The following PTPRD variants were observed in gnomAD, a reference collection of about 807,000 sequenced individuals.
The protein encoded by PTPRD is receptor-type tyrosine-protein phosphatase delta.
In PTPRD, 34 loss-of-function variants were observed where a neutral mutation model predicts 214.5. The observed-to-expected ratio is 0.16, with a 90% CI of 0.12 to 0.21. The LOEUF is 0.21. Ranked by LOEUF, PTPRD falls within the 10% of genes least tolerant of loss-of-function variation. The pLI, the probability that PTPRD is intolerant of heterozygous loss-of-function variation, is 1.00. For missense variants in PTPRD, 2,545 were observed against 2,398.7 expected (o/e 1.06, Z -1.27); for synonymous variants, 1,128 against 845.7 (o/e 1.33, Z -5.79).
chr9:8,775,137 G>T (rs1397946355), intron 11 of PTPRD, among the ~76,000 whole-genome samples: 1 of 152,058 alleles, frequency 6.6e-6, no homozygotes, highest in African/African-American at 2.4e-5. Flanking sequence ...AATTGTATTG[G>T]TATTTAAAAT....
In PTPRD at chr9:9,116,601, T is replaced by A. The variant is rs141574160; in HGVS notation, c.-143+66703A>T. Among the ~76,000 whole-genome samples the A allele has an allele frequency of 1.9e-3, 295 of 152,236 alleles. 1 individual carries two copies. The highest frequency in any genetic ancestry group is 6.7e-3 in the African/African-American group (279 of 41,550). On this transcript the variant is annotated intron_variant, in intron 10 of 45. Transcript: ENST00000381196. ...TCCATGTAACCCAAAACCATTTGTA[T>A]CCCTAAAGCTGTTGAATTTTTCTTA...
intron 4 of PTPRD, among the ~76,000 whole-genome samples, chr9:9,951,601 A>G (rs1341493079): frequency 1.8e-4 from 27 of 152,248 alleles, no homozygotes; most frequent in Non-Finnish European, 2.9e-5. Context: ...CCTGGAGGGC[A>G]TACATGGATA....
At chr9:9,020,274 G>A (rs2099560284) in intron 10 of PTPRD, among the ~76,000 whole-genome samples, 1 of 152,128 alleles carries the variant, frequency 6.6e-6, no homozygotes, top group African/African-American at 2.4e-5. Flanking sequence ...AGCATGAAAT[G>A]CATGTATAAA....
At chr9:8,428,602 C>A (rs896792873) in intron 35 of PTPRD, among the ~76,000 whole-genome samples, 6 of 152,146 alleles carry the variant, frequency 3.9e-5, no homozygotes, top group Admixed American at 6.5e-5. Context: ...TCCACCACTT[C>A]CTTCCTTCAA....
chr9:9,485,130 G>C (rs1027471298), intron 8 of PTPRD, among the ~76,000 whole-genome samples: 3 of 152,062 alleles, frequency 2.0e-5, no homozygotes, highest in African/African-American at 7.2e-5. Context: ...TGTCGTTTCA[G>C]GACTTCTCTC....
At chr9:9,907,057 A>G (rs2077770675) in intron 5 of PTPRD, among the ~76,000 whole-genome samples, 1 of 151,894 alleles carries the variant, frequency 6.6e-6, no homozygotes, top group Non-Finnish European at 1.5e-5. Flanking sequence ...ACTCTCCCCA[A>G]CACACACCAA....
Position 9,352,323 on chromosome 9 carries a change from ATATATG to A in PTPRD, c.-203+45120_-203+45125del, listed in dbSNP as rs982271578. 4.8e-4 allele frequency among the ~76,000 whole-genome samples: 53 copies of A among 110,536 alleles called. 1 individual carries two copies. In the South Asian group the frequency reaches 7.6e-3, roughly 16 times the overall value. 72.5% of individuals were successfully genotyped at this position (110,536 alleles called of 152,430 possible). On this transcript the variant is annotated intron_variant, in intron 9 of 45. Transcript: ENST00000381196. ...CTGCCAAAAAACCATATATATATATATATATGTGTGTGTGTGTGTGTGTGTGTGTGT... is the reference window on the plus strand; with the variant it reads ...CTGCCAAAAAACCATATATATATATATGTGTGTGTGTGTGTGTGTGTGTGT...
chr9:8,691,162 T>C (rs1219120955), intron 12 of PTPRD, among the ~76,000 whole-genome samples: 1 of 152,048 alleles, frequency 6.6e-6, no homozygotes, highest in Non-Finnish European at 1.5e-5. Context: ...ATATTCCCCA[T>C]GGCCACTGTT....
intron 7 of PTPRD, among the ~76,000 whole-genome samples, chr9:9,689,581 C>T (rs552881297): frequency 6.6e-6 from 1 of 151,826 alleles, no homozygotes; most frequent in East Asian, 1.9e-4. Flanking sequence ...GATACTAGGA[C>T]TTATTTTTTC....
chr9:9,302,601 C>CTTTTTTTT (rs3047853), intron 9 of PTPRD, among the ~76,000 whole-genome samples: 16 of 111,882 alleles, frequency 1.4e-4, no homozygotes, highest in South Asian at 3.0e-4. Context: ...TTTTTTTTTT[C>CTTTTTTTT]TTTTTTTTTT....
intron 5 of PTPRD, among the ~76,000 whole-genome samples, chr9:9,914,822 C>A (rs73402625): frequency 6.6e-6 from 1 of 151,940 alleles, no homozygotes; most frequent in East Asian, 1.9e-4. Flanking sequence ...CAAATATGCC[C>A]CCAAACTAGC....
At chr9:9,231,032 T>C (rs2099962765) in intron 9 of PTPRD, among the ~76,000 whole-genome samples, 2 of 151,002 alleles carry the variant, frequency 1.3e-5, no homozygotes, top group African/African-American at 4.9e-5. Flanking sequence ...ATCTCCTTGA[T>C]TCTTATCTGT....
At chr9:8,584,371 A>C (rs977183251) in intron 14 of PTPRD, among the ~76,000 whole-genome samples, 3 of 152,004 alleles carry the variant, frequency 2.0e-5, no homozygotes, top group Non-Finnish European at 2.9e-5. Flanking sequence ...GGGTAGAAAA[A>C]TGCACAGATG....
At chr9:8,874,996 A>G (rs1454103115) in intron 11 of PTPRD, among the ~76,000 whole-genome samples, 1 of 152,188 alleles carries the variant, frequency 6.6e-6, no homozygotes, top group Non-Finnish European at 1.5e-5. Flanking sequence ...AGAGAAGTCA[A>G]AAATATAGGG....
chr9:10,506,524 G>T (rs1589665655), intron 2 of PTPRD, among the ~76,000 whole-genome samples: 2 of 151,962 alleles, frequency 1.3e-5, no homozygotes, highest in Admixed American at 6.6e-5. Flanking sequence ...TGAGGTGATT[G>T]GTACCCCACT....
intron 9 of PTPRD, among the ~76,000 whole-genome samples, chr9:9,386,618 A>G (rs182772550): frequency 6.6e-6 from 1 of 152,316 alleles, no homozygotes; most frequent in African/African-American, 2.4e-5. Flanking sequence ...AGCAAAATGC[A>G]TTTTAAATAG....
intron 39 of PTPRD, among the ~76,000 whole-genome samples, chr9:8,349,036 G>A (rs528536639): frequency 7.7e-5 from 9 of 116,616 alleles, no homozygotes; most frequent in African/African-American, 2.5e-4. Context: ...CAACTCGAGT[G>A]ACAAAATTTA....
Position 8,316,853 on chromosome 9 carries a change from A to G in PTPRD, c.*1021T>C, listed in dbSNP as rs1256962129. Reference sequence around the variant, plus strand: ...GAATAAATGGAAAGAGATGTTTACAATAGCTTTTCTACGTTTAAAAAAACT... The same window carrying G: ...GAATAAATGGAAAGAGATGTTTACAGTAGCTTTTCTACGTTTAAAAAAACT... On this transcript the variant is annotated 3_prime_UTR_variant, in exon 46 of 46. Transcript: ENST00000381196. 1.3e-5 allele frequency: 3 copies of G among 230,648 alleles called. No individual in the cohort carries two copies. The highest frequency in any genetic ancestry group is 3.6e-4 in the South Asian group (2 of 5,516). The allele number at this position is 230,648 out of a possible 1,614,324, so 14.3% of individuals were successfully genotyped here.
intron 14 of PTPRD, among the ~76,000 whole-genome samples, chr9:8,630,737 G>A (rs146067406): frequency 3.4e-4 from 52 of 151,890 alleles, no homozygotes; most frequent in African/African-American, 1.2e-3. Flanking sequence ...GTTTTATATG[G>A]GGACTAGCTG....
Sources: gnomAD v4.1 joint callset for allele counts (sites outside exome capture counted in the v4.1 genomes callset) on GRCh38, gnomAD v4.1.1 for gene constraint, MANE v1.5 for transcripts, NCBI Gene and HGNC (gene_info 2026-07-23, HGNC 2026-07-21) for gene names.